The following DLC1 variants were observed in gnomAD, a reference collection of about 807,000 sequenced individuals.
The protein encoded by DLC1 is rho GTPase-activating protein 7.
In DLC1, 54 loss-of-function variants were observed where a neutral mutation model predicts 140.3. The ratio of observed to expected loss-of-function variants is 0.38; its 90% CI spans 0.31 to 0.48. DLC1 has a LOEUF of 0.48. Among genes scored for constraint, DLC1 ranks in the 20% least tolerant of loss-of-function variants. DLC1 has a pLI of 0.96. For missense variants in DLC1, 2,536 were observed against 1,907.0 expected (o/e 1.33, Z -6.14); for synonymous variants, 986 against 728.1 (o/e 1.35, Z -5.70).
At chr8:13,467,291 T>C (rs1053531181) in intron 2 of DLC1, among the ~76,000 whole-genome samples, 1 of 152,198 alleles carries the variant, frequency 6.6e-6, no homozygotes, top group Non-Finnish European at 1.5e-5. Flanking sequence ...TGGAATGTAG[T>C]TCCACTTCAA....
intron 2 of DLC1, among the ~76,000 whole-genome samples, chr8:13,477,688 A>G (rs947922342): frequency 2.6e-5 from 4 of 152,176 alleles, no homozygotes; most frequent in African/African-American, 9.7e-5. Context: ...AATTTATCAT[A>G]TCACTTCTAC....
chr8:13,513,964 A>T (rs1242676583), intron 1 of DLC1, among the ~76,000 whole-genome samples: 2 of 152,186 alleles, frequency 1.3e-5, no homozygotes. Flanking sequence ...TTCGATTCCG[A>T]CATTTAAATT....
At chr8:13,401,405 A>G (rs1837289699) in intron 3 of DLC1, 65 bp downstream of exon 3, 1 of 1,566,904 alleles carries the variant, frequency 6.4e-7, no homozygotes, top group Non-Finnish European at 8.7e-7. Flanking sequence ...CCTTTGCAAG[A>G]GGGACTGTAT....
chr8:13,428,166 A>G (rs1216975570), intron 2 of DLC1, among the ~76,000 whole-genome samples: 4 of 152,158 alleles, frequency 2.6e-5, no homozygotes, highest in African/African-American at 7.2e-5. Context: ...TAAGGTGGCA[A>G]AAGAGAACAG....
At position 13,586,756 on chromosome 8, in the gene DLC1, C is replaced by G. The variant is rs181785947; in HGVS notation, c.-126+17781G>C. Among the ~76,000 whole-genome samples the G allele has an allele frequency of 4.6e-5, 7 of 152,064 alleles. No homozygotes were observed. In the East Asian group the frequency reaches 7.8e-4, roughly 17 times the overall value. On this transcript the variant is annotated intron_variant, in intron 1 of 1. Transcript: ENST00000631382. ...TCACAACCAGAATGTTGACATCAAT[C>G]CAGTCAAAATACAGAACAGTTCCAT...
intron 4 of DLC1, among the ~76,000 whole-genome samples, chr8:13,389,656 G>T (rs1337066923): frequency 1.3e-5 from 2 of 152,040 alleles, no homozygotes; most frequent in African/African-American, 4.8e-5. Flanking sequence ...ATCTGATGAT[G>T]ACTCATCGGT....
intron 2 of DLC1, among the ~76,000 whole-genome samples, chr8:13,458,652 C>T (rs573840430): frequency 2.0e-5 from 3 of 152,198 alleles, no homozygotes; most frequent in South Asian, 2.1e-4. Flanking sequence ...ATGTTGCTGT[C>T]ACTTCGTATG....
In DLC1 at chr8:13,086,364, G is replaced by A. The variant is rs892713377; in HGVS notation, c.4392C>T (p.Leu1464=). ...APVVGVRVNV[L]LSRYLIEPCG... ...AGGGTTCAATCAAATACCTGGACAA[G>A]AGCACATTAACCCTCACACCCACCA... is the stretch of plus-strand genomic sequence containing the variant. Residue 1464 remains leucine, a synonymous_variant, in exon 17 of 18, where the codon CTC becomes CTT. Coordinates refer to ENST00000276297, the MANE Select transcript of DLC1 (RefSeq NM_182643.3). 2.5e-6 allele frequency: 4 copies of A among 1,614,072 alleles called. No individual in the cohort carries two copies. The highest frequency in any genetic ancestry group is 3.4e-6 in the Non-Finnish European group (4 of 1,180,054).
intron 5 of DLC1, among the ~76,000 whole-genome samples, chr8:13,213,288 G>T (rs546616445): frequency 1.3e-4 from 20 of 152,266 alleles, no homozygotes; most frequent in African/African-American, 4.8e-4. Context: ...GTGCACAGTT[G>T]TGCATTATAC....
intron 2 of DLC1, among the ~76,000 whole-genome samples, chr8:13,475,906 T>G (rs927264742): frequency 6.6e-6 from 1 of 152,182 alleles, no homozygotes; most frequent in Non-Finnish European, 1.5e-5. Flanking sequence ...TTCACTCCCT[T>G]CAATCTGGTA....
chr8:13,094,002 G>C (rs1262219634), intron 12 of DLC1, among the ~76,000 whole-genome samples: 1 of 152,122 alleles, frequency 6.6e-6, no homozygotes, highest in Admixed American at 6.5e-5. Flanking sequence ...ATGAATAACA[G>C]AAAAAGATTA....
chr8:13,414,578 C>T (rs17817533), intron 2 of DLC1, among the ~76,000 whole-genome samples: 1 of 152,044 alleles, frequency 6.6e-6, no homozygotes, highest in African/African-American at 2.4e-5. Flanking sequence ...GCATTATGAC[C>T]TTGGCTTTCT....
intron 2 of DLC1, among the ~76,000 whole-genome samples, chr8:13,410,782 A>G (rs902064476): frequency 6.6e-6 from 1 of 152,182 alleles, no homozygotes; most frequent in Non-Finnish European, 1.5e-5. Flanking sequence ...CTGTTTCCCC[A>G]CTAGATCGTC....
intron 7 of DLC1, among the ~76,000 whole-genome samples, chr8:13,110,252 C>T (rs1330751563): frequency 6.6e-6 from 1 of 152,152 alleles, no homozygotes; most frequent in Non-Finnish European, 1.5e-5. Context: ...ATTTAACTGT[C>T]TGTTGCCTAT....
At chr8:13,585,158 T>C (rs959491284) in intron 1 of DLC1, among the ~76,000 whole-genome samples, 15 of 152,204 alleles carry the variant, frequency 9.9e-5, no homozygotes, top group Admixed American at 7.9e-4. Context: ...GTCAATATAG[T>C]AGCAAAAATA....
intron 3 of DLC1, among the ~76,000 whole-genome samples, chr8:13,396,048 A>C (rs1186076202): frequency 6.8e-6 from 1 of 146,642 alleles, no homozygotes; most frequent in Non-Finnish European, 1.5e-5. Flanking sequence ...ATTTTGCATT[A>C]ATTTCTTTTC....
intron 4 of DLC1, among the ~76,000 whole-genome samples, chr8:13,373,723 A>G (rs1835834372): frequency 6.6e-6 from 1 of 152,212 alleles, no homozygotes; most frequent in Non-Finnish European, 1.5e-5. Context: ...TGTGCCTTGA[A>G]TATTCTGCTA....
At chr8:13,402,907 C>T (rs371561656) in intron 2 of DLC1, among the ~76,000 whole-genome samples, 1 of 152,166 alleles carries the variant, frequency 6.6e-6, no homozygotes, top group Non-Finnish European at 1.5e-5. Context: ...TCTTAAACAG[C>T]AAGAGCAGAT....
intron 2 of DLC1, among the ~76,000 whole-genome samples, chr8:13,440,579 A>G (rs1002116011): frequency 6.6e-6 from 1 of 151,806 alleles, no homozygotes; most frequent in Non-Finnish European, 1.5e-5. Flanking sequence ...CTTTCTATGT[A>G]ACATAGGAAT....
Sources: gnomAD v4.1 joint callset for allele counts (sites outside exome capture counted in the v4.1 genomes callset) on GRCh38, gnomAD v4.1.1 for gene constraint, MANE v1.5 for transcripts, NCBI Gene and HGNC (gene_info 2026-07-23, HGNC 2026-07-21) for gene names.